The following CNTNAP5 variants were observed in gnomAD, a reference collection of about 807,000 sequenced individuals.
The protein encoded by CNTNAP5 is contactin associated protein family member 5, also known as contactin-associated protein-like 5.
CNTNAP5 carries 72 observed loss-of-function variants against 150.2 expected under a neutral mutation model. The observed-to-expected ratio is 0.48, with a 90% CI of 0.40 to 0.58. The LOEUF is 0.58. Among genes scored for constraint, CNTNAP5 ranks in the 20% least tolerant of loss-of-function variants. The pLI, the probability that CNTNAP5 is intolerant of heterozygous loss-of-function variation, is 0.00. For synonymous variants in CNTNAP5, 672 were observed against 619.8 expected (o/e 1.08, Z -1.25); for missense variants, 1,636 against 1,626.2 (o/e 1.01, Z -0.10).
At chr2:124,072,360 G>A (rs1334627056) in intron 1 of CNTNAP5, among the ~76,000 whole-genome samples, 1 of 151,810 alleles carries the variant, frequency 6.6e-6, no homozygotes, top group Non-Finnish European at 1.5e-5. Flanking sequence ...TATTGAATAT[G>A]GTACTGGTAG....
intron 10 of CNTNAP5, among the ~76,000 whole-genome samples, chr2:124,543,169 T>C (rs960443349): frequency 2.0e-5 from 3 of 152,180 alleles, no homozygotes; most frequent in Non-Finnish European, 2.9e-5. Flanking sequence ...AAGCACTAGC[T>C]AGCAAGAGTA....
At chr2:124,244,318 G>A (rs1448558631) in intron 3 of CNTNAP5, among the ~76,000 whole-genome samples, 2 of 152,066 alleles carry the variant, frequency 1.3e-5, no homozygotes, top group African/African-American at 2.4e-5. Flanking sequence ...CCTGTGCCCG[G>A]TATCACTAGA....
At chr2:124,366,300 G>A (rs1301869154) in intron 3 of CNTNAP5, among the ~76,000 whole-genome samples, 3 of 151,886 alleles carry the variant, frequency 2.0e-5, no homozygotes, top group Non-Finnish European at 2.9e-5. Flanking sequence ...ACAAAATAAC[G>A]GTACGTACTT....
Position 124,527,430 on chromosome 2 carries a change from C to T in CNTNAP5, c.1623C>T (p.His541=), listed in dbSNP as rs1694998885. 3 of 1,613,490 alleles carry T rather than the reference C, an allele frequency of 1.9e-6. No homozygotes were observed. Among genetic ancestry groups the T allele is most frequent in the Non-Finnish European group, 2.5e-6 (3 of 1,179,638 alleles). The change falls in exon 10 of 24, where the codon CAC becomes CAT. Residue 541 remains histidine (H), a synonymous_variant. Coordinates refer to ENST00000682447, the MANE Select transcript of CNTNAP5 (RefSeq NM_001367498.1). ...QGSLGNFSDL[H]IDLCSIKDRC... is the part of the protein sequence containing the mutation. ...CCCTGGGGAATTTTAGTGATTTACA[C>T]ATTGATCTGTGTAGCATCAAAGACA...
At chr2:124,877,582 C>T (rs1312286799) in intron 21 of CNTNAP5, among the ~76,000 whole-genome samples, 10 of 152,098 alleles carry the variant, frequency 6.6e-5, no homozygotes. Flanking sequence ...TTACTATGGC[C>T]ACACAATGTG....
chr2:124,162,362 A>T (rs1684701474), intron 1 of CNTNAP5, among the ~76,000 whole-genome samples: 1 of 152,190 alleles, frequency 6.6e-6, no homozygotes, highest in Admixed American at 6.5e-5. Flanking sequence ...TATGAGGCAG[A>T]TCTTATTATC....
chr2:124,692,983 GT>G (rs1353201023), intron 13 of CNTNAP5, among the ~76,000 whole-genome samples: 12 of 152,046 alleles, frequency 7.9e-5, no homozygotes, highest in Non-Finnish European at 1.5e-4. Context: ...AGAATTCTTT[GT>G]GTTTTTTTTC....
intron 10 of CNTNAP5, among the ~76,000 whole-genome samples, chr2:124,554,647 C>G (rs1695710572): frequency 6.6e-6 from 1 of 152,060 alleles, no homozygotes; most frequent in Admixed American, 6.6e-5. Flanking sequence ...ATCTTGAACA[C>G]CTGACCTCAA....
At chr2:124,742,458 G>A (rs1680515438) in intron 13 of CNTNAP5, among the ~76,000 whole-genome samples, 1 of 152,114 alleles carries the variant, frequency 6.6e-6, no homozygotes, top group African/African-American at 2.4e-5. Flanking sequence ...GAGATCCTGA[G>A]AAGGTTCCAG....
At chr2:124,301,572 T>C (rs1439065073) in intron 3 of CNTNAP5, among the ~76,000 whole-genome samples, 1 of 152,170 alleles carries the variant, frequency 6.6e-6, no homozygotes, top group African/African-American at 2.4e-5. Flanking sequence ...TCATGTACAT[T>C]ATACTCCACA....
intron 3 of CNTNAP5, among the ~76,000 whole-genome samples, chr2:124,368,494 T>C (rs1690432682): frequency 6.6e-6 from 1 of 152,112 alleles, no homozygotes; most frequent in African/African-American, 2.4e-5. Context: ...ATCTTAGAAA[T>C]ATACTTCACA....
At chr2:124,449,745 T>C (rs569020179) in intron 6 of CNTNAP5, among the ~76,000 whole-genome samples, 1 of 152,178 alleles carries the variant, frequency 6.6e-6, no homozygotes, top group African/African-American at 2.4e-5. Context: ...CTTCTCCAGA[T>C]TGTTCAGCCA....
At chr2:124,128,617 T>G (rs1442153637) in intron 1 of CNTNAP5, among the ~76,000 whole-genome samples, 5 of 152,170 alleles carry the variant, frequency 3.3e-5, no homozygotes, top group African/African-American at 1.2e-4. Flanking sequence ...CACACGTATG[T>G]TTATTGCGGC....
At chr2:124,109,146 T>C (rs1237581551) in intron 1 of CNTNAP5, among the ~76,000 whole-genome samples, 1 of 152,150 alleles carries the variant, frequency 6.6e-6, no homozygotes, top group East Asian at 1.9e-4. Context: ...GGGTCCCTGA[T>C]TGAAAATCTT....
At position 124,914,779 on chromosome 2, in the gene CNTNAP5, AAAGAGT is replaced by A. The variant is rs1678729023; in HGVS notation, c.*497_*502del. The A allele has an allele frequency of 6.5e-6, 1 of 152,776 alleles. No homozygotes were observed. Among genetic ancestry groups the A allele is most frequent in the Admixed American group, 6.5e-5 (1 of 15,272 alleles). 9.5% of individuals were successfully genotyped at this position (152,776 alleles called of 1,614,324 possible). ...CTGGTTTGCTTTGGTGGCATTGTAA[AAAGAGT>A]AAGAGAGGTTTGGTTTGTGGTGGTT... is the stretch of plus-strand genomic sequence containing the variant. On this transcript the variant is annotated 3_prime_UTR_variant, in exon 24 of 24. Transcript: ENST00000682447.
chr2:124,184,081 A>C (rs557799824), intron 1 of CNTNAP5, among the ~76,000 whole-genome samples: 20 of 152,262 alleles, frequency 1.3e-4, no homozygotes, highest in Admixed American at 2.6e-4. Flanking sequence ...CTGGTAGAGT[A>C]TTGGGGAGTT....
At chr2:124,260,124 A>G (rs1054914393) in intron 3 of CNTNAP5, among the ~76,000 whole-genome samples, 3 of 152,230 alleles carry the variant, frequency 2.0e-5, no homozygotes, top group African/African-American at 7.2e-5. Flanking sequence ...ACTATATTAC[A>G]AGGCTACAGT....
intron 19 of CNTNAP5, among the ~76,000 whole-genome samples, chr2:124,840,284 G>C (rs1402347243): frequency 6.6e-6 from 1 of 152,052 alleles, no homozygotes; most frequent in Non-Finnish European, 1.5e-5. Flanking sequence ...CTTTGCTGCT[G>C]ATATAGGGGA....
At chr2:124,145,836 A>AAAG (rs1684235453) in intron 1 of CNTNAP5, among the ~76,000 whole-genome samples, 1 of 75,812 alleles carries the variant, frequency 1.3e-5, no homozygotes, top group Non-Finnish European at 2.5e-5. Context: ...AAAGAAGAAA[A>AAAG]AAAAAAAAAA....
Sources: gnomAD v4.1 joint callset for allele counts (sites outside exome capture counted in the v4.1 genomes callset) on GRCh38, gnomAD v4.1.1 for gene constraint, MANE v1.5 for transcripts, NCBI Gene and HGNC (gene_info 2026-07-23, HGNC 2026-07-21) for gene names.